Variants in TEX36 observed in about 807,000 individuals in gnomAD.
The protein encoded by TEX36 is testis-expressed protein 36.
A neutral mutation model predicts 13.6 loss-of-function variants in TEX36; 12 were observed. The ratio of observed to expected loss-of-function variants is 0.88; its 90% CI spans 0.56 to 1.43. The LOEUF is 1.43. Among genes scored for constraint, TEX36 ranks in the 40% most tolerant of loss-of-function variants. The probability of loss-of-function intolerance (pLI) is 0.00; values close to 1 mark genes in which losing one functional copy is unlikely to be tolerated. For missense variants in TEX36, 224 were observed against 228.3 expected (o/e 0.98, Z 0.12); for synonymous variants, 93 against 83.0 (o/e 1.12, Z -0.65).
At chr10:125,650,309 A>G (rs1034884846) in intron 3 of TEX36, among the ~76,000 whole-genome samples, 5 of 152,256 alleles carry the variant, frequency 3.3e-5, no homozygotes, top group Admixed American at 3.3e-4. Flanking sequence ...CTCAGACCAC[A>G]GTGCAATCAA....
intron 1 of TEX36, among the ~76,000 whole-genome samples, chr10:125,676,683 ATCT>A (rs970516910): frequency 6.6e-6 from 1 of 151,926 alleles, no homozygotes; most frequent in Non-Finnish European, 1.5e-5. Context: ...TGTTGTTTAC[ATCT>A]TCTTTCTTCC....
downstream of TEX36, among the ~76,000 whole-genome samples, chr10:125,619,809 C>T (rs2133558891): frequency 6.6e-6 from 1 of 152,142 alleles, no homozygotes; most frequent in South Asian, 2.1e-4. Context: ...CCTGCCTCCG[C>T]CTCCCAAAGT....
chr10:125,597,275 A>G (rs972485792), intron 3 of TEX36, among the ~76,000 whole-genome samples: 2 of 152,124 alleles, frequency 1.3e-5, no homozygotes, highest in Non-Finnish European at 2.9e-5. Flanking sequence ...TGTTCCACCC[A>G]TTGGGGTTCC....
At chr10:125,636,366 C>A (rs969992868) in intron 3 of TEX36, among the ~76,000 whole-genome samples, 3 of 149,510 alleles carry the variant, frequency 2.0e-5, no homozygotes, top group African/African-American at 7.6e-5. Context: ...CTACCACACC[C>A]GGCTAATTTT....
chr10:125,619,612 G>A (rs564650003), downstream of TEX36, among the ~76,000 whole-genome samples: 7 of 152,202 alleles, frequency 4.6e-5, no homozygotes, highest in East Asian at 1.2e-3. Flanking sequence ...GTGCAGTGGC[G>A]CTGTCTTGGC....
intron 3 of TEX36, among the ~76,000 whole-genome samples, chr10:125,645,395 C>T (rs1846755694): frequency 6.6e-6 from 1 of 151,940 alleles, no homozygotes; most frequent in East Asian, 1.9e-4. Flanking sequence ...GGACAGGTGC[C>T]TTGATAATAA....
chr10:125,671,790 T>A (rs9422929), intron 1 of TEX36, among the ~76,000 whole-genome samples: 2,635 of 152,280 alleles, frequency 0.017, 76 homozygotes, highest in African/African-American at 0.059. Context: ...AGGCTATTAA[T>A]TACTGCCTCA....
chr10:125,619,639 C>A (rs1846403869), downstream of TEX36, among the ~76,000 whole-genome samples: 1 of 152,142 alleles, frequency 6.6e-6, no homozygotes, highest in South Asian at 2.1e-4. Context: ...CAACCTCCGC[C>A]TCCCGGGTCC....
At chr10:125,584,998 G>A (rs2133525872) in intron 3 of TEX36, among the ~76,000 whole-genome samples, 1 of 152,276 alleles carries the variant, frequency 6.6e-6, no homozygotes, top group East Asian at 1.9e-4. Context: ...GTCTCAACAT[G>A]GGTCCCTTAG....
At chr10:125,655,639 C>A, downstream of TEX36, 1 of 1,153,786 alleles carries the variant, frequency 8.7e-7, no homozygotes, top group Admixed American at 4.3e-5. Flanking sequence ...TTTGAAATTT[C>A]AAAATGAAAA....
chr10:125,583,558 G>A (rs1030946391), intron 3 of TEX36, among the ~76,000 whole-genome samples: 2 of 152,164 alleles, frequency 1.3e-5, no homozygotes, highest in Non-Finnish European at 2.9e-5. Context: ...ACCTCCTAAA[G>A]GCAGAACTTC....
chr10:125,661,926 T>G lies in TEX36; in HGVS notation c.103A>C (p.Thr35Pro). The G allele has an allele frequency of 1.8e-5, 28 of 1,552,340 alleles. No homozygotes were observed. The highest frequency in any genetic ancestry group is 2.4e-5 in the Non-Finnish European group (28 of 1,147,128). Reference sequence around the variant, plus strand: ...TGTGGACTCTGGGGCTCTTTTGACGTAGCACTGGTGATGGATTCTGGTGTC... The same window carrying G: ...TGTGGACTCTGGGGCTCTTTTGACGGAGCACTGGTGATGGATTCTGGTGTC... ...QKTPESITSA[T>P]SKEPQSPHLP... The change falls in exon 2 of 4, where the codon ACG (threonine) becomes CCG (proline). Residue 35 changes from threonine to proline, a missense_variant. Thr to Pro is a conservative substitution (Grantham distance 38). Transcript: ENST00000368821.
At chr10:125,598,649 T>C (rs1846109277) in intron 3 of TEX36, among the ~76,000 whole-genome samples, 1 of 152,224 alleles carries the variant, frequency 6.6e-6, no homozygotes, top group Non-Finnish European at 1.5e-5. Flanking sequence ...TATATTTTGC[T>C]AATCAGTAGA....
chr10:125,607,563 A>T (rs137856400), intron 3 of TEX36, among the ~76,000 whole-genome samples: 50 of 152,266 alleles, frequency 3.3e-4, no homozygotes, highest in African/African-American at 1.2e-3. Context: ...TTCAGGTGCC[A>T]AAGAATATTG....
intron 3 of TEX36, among the ~76,000 whole-genome samples, chr10:125,631,353 C>T (rs1044464432): frequency 3.9e-5 from 6 of 152,316 alleles, no homozygotes; most frequent in East Asian, 3.9e-4. Context: ...TAATCATGAG[C>T]TATTTCAGAA....
At chr10:125,645,811 A>C (rs1457484474) in intron 3 of TEX36, among the ~76,000 whole-genome samples, 1 of 152,188 alleles carries the variant, frequency 6.6e-6, no homozygotes, top group African/African-American at 2.4e-5. Flanking sequence ...TCTAAAAAAA[A>C]ATATGTAAAA....
intron 3 of TEX36, among the ~76,000 whole-genome samples, chr10:125,631,115 G>A (rs1846549156): frequency 6.6e-6 from 1 of 152,246 alleles, no homozygotes; most frequent in Non-Finnish European, 1.5e-5. Context: ...CCTGGAAACA[G>A]ACACTGAAGC....
At chr10:125,659,826 C>T (rs1396393974) in intron 3 of TEX36, among the ~76,000 whole-genome samples, 1 of 152,058 alleles carries the variant, frequency 6.6e-6, no homozygotes, top group African/African-American at 2.4e-5. Flanking sequence ...AAATGGTGGG[C>T]CATTAATAAC....
Position 125,683,157 on chromosome 10 carries a change from T to C in TEX36, c.-168A>G, listed in dbSNP as rs1847424092. 9 of 752,714 alleles carry C rather than the reference T, an allele frequency of 1.2e-5. No individual in the cohort carries two copies. The highest frequency in any genetic ancestry group is 2.0e-5 in the Non-Finnish European group (9 of 448,854). The allele number at this position is 752,714 out of a possible 1,614,324, so 46.6% of individuals were successfully genotyped here. A position where few individuals can be genotyped will look rare whatever the true frequency, so the allele number is the denominator to read the frequency against. On this transcript the variant is annotated 5_prime_UTR_variant, in exon 1 of 4. Coordinates refer to ENST00000368821, the MANE Select transcript of TEX36 (RefSeq NM_001128202.3). ...CTCAGCCTCTTCCAGGAGGGGAAGG[T>C]GCGGGTGCCCATTGTTGTCATGGAA...
Sources: gnomAD v4.1 joint callset for allele counts (sites outside exome capture counted in the v4.1 genomes callset) on GRCh38, gnomAD v4.1.1 for gene constraint, MANE v1.5 for transcripts, NCBI Gene and HGNC (gene_info 2026-07-23, HGNC 2026-07-21) for gene names.